Variants in MEP1B observed in about 807,000 individuals in gnomAD.
MEP1B encodes the protein N-benzoyl-L-tyrosyl-P-amino-benzoic acid hydrolase subunit beta.
A neutral mutation model predicts 84.6 loss-of-function variants in MEP1B; 80 were observed. That is an observed-to-expected ratio of 0.95 (90% CI 0.79 to 1.14). MEP1B has a LOEUF of 1.14. Among genes scored for constraint, MEP1B ranks in the 50% most tolerant of loss-of-function variants. The pLI, the probability that MEP1B is intolerant of heterozygous loss-of-function variation, is 0.00. For missense variants in MEP1B, 766 were observed against 855.1 expected (o/e 0.90, Z 1.30); for synonymous variants, 273 against 288.1 (o/e 0.95, Z 0.53).
rs1451260360 is a variant in MEP1B, at chr18:32,196,542, T to C, written c.250+1057T>C. 9 of 700,572 alleles carry C rather than the reference T, an allele frequency of 1.3e-5. No individual in the cohort carries two copies. The highest frequency in any genetic ancestry group is 1.0e-4 in the African/African-American group (6 of 57,392). 43.4% of individuals were successfully genotyped at this position (700,572 alleles called of 1,614,324 possible). On this transcript the variant is annotated intron_variant, in intron 5 of 14. Coordinates refer to ENST00000269202, the MANE Select transcript of MEP1B (RefSeq NM_005925.3). The surrounding 1 kb of genome is among the most constrained non-coding windows in gnomAD (Gnocchi z 4.4). The stretch of plus-strand genomic sequence containing the variant: ...GTGGCCAAGGGCCACCTTGAGAGCT[T>C]TGGGCCCTTGGTACTTGGTGCTGAC...
chr18:32,207,273 C>T lies in MEP1B; in HGVS notation c.569C>T (p.Thr190Ile). ...TTAGGCAGAGAGCACAATTTTAACA[C>T]CTATAGTGACGATATATCAGATTCC... is the stretch of plus-strand genomic sequence containing the variant. ...ILSGREHNFN[T>I]YSDDISDSLN... is the part of the protein sequence containing the mutation. The change falls in exon 8 of 15, where the codon ACC (threonine) becomes ATC (isoleucine). Residue 190 changes from threonine (T) to isoleucine (I), a missense_variant. Transcript: ENST00000269202. 6.2e-7 allele frequency: 1 copy of T among 1,611,530 alleles called. No homozygotes were observed. Among genetic ancestry groups the T allele is most frequent in the Non-Finnish European group, 8.5e-7 (1 of 1,178,078 alleles).
chr18:32,219,370 G>A (rs1020413375), intron 14 of MEP1B, among the ~76,000 whole-genome samples: 1 of 152,142 alleles, frequency 6.6e-6, no homozygotes, highest in African/African-American at 2.4e-5. Flanking sequence ...TATTAGAAAA[G>A]TATTTAAAAT....
rs1279589510 is a variant in MEP1B, at chr18:32,220,263, T to G, written c.*18T>G. The G allele has an allele frequency of 1.9e-6, 3 of 1,607,278 alleles. No homozygotes were observed. ...CTTTTTGAAGATTAACTCGACAATA[T>G]GGCCAGCTAATGAAATTAAAAAGGA... On this transcript the variant is annotated 3_prime_UTR_variant, in exon 15 of 15. Transcript: ENST00000269202.
intron 12 of MEP1B, among the ~76,000 whole-genome samples, 155 bp from the exon 13 acceptor site, chr18:32,216,836 C>A (rs2041094579): frequency 6.7e-6 from 1 of 150,260 alleles, no homozygotes; most frequent in South Asian, 2.1e-4. Flanking sequence ...GGAGCAAAGA[C>A]CAGCCTGGGC....
In MEP1B at chr18:32,207,232, AT is replaced by A. The variant is rs1266978178; in HGVS notation, c.548-14del. On this transcript the variant is annotated intron_variant, in intron 7 of 14. Transcript: ENST00000269202. ...TGAATTTTGTGAACATCAAGTAAAG[AT>A]TTTTTATTTATCCTTTAGGCAGAGA... 1 of 1,527,840 alleles carries A rather than the reference AT, an allele frequency of 6.5e-7. No individual in the cohort carries two copies. The highest frequency in any genetic ancestry group is 9.0e-7 in the Non-Finnish European group (1 of 1,108,670). The allele number at this position is 1,527,840 out of a possible 1,614,324, so 94.6% of individuals were successfully genotyped here. A position where few individuals can be genotyped will look rare whatever the true frequency, so the allele number is the denominator to read the frequency against.
chr18:32,215,341 A>G, intron 12 of MEP1B, 80 bp downstream of exon 12: 1 of 935,898 alleles, frequency 1.1e-6, no homozygotes, highest in Non-Finnish European at 1.6e-6. Context: ...TTCTTTCTGC[A>G]TTCCACTTTT....
At chr18:32,220,006 G>A (rs548063109) in intron 14 of MEP1B, among the ~76,000 whole-genome samples, 3 of 152,174 alleles carry the variant, frequency 2.0e-5, no homozygotes, top group East Asian at 1.9e-4. Flanking sequence ...TTTCTGAGGC[G>A]AATGTATGTG....
intron 5 of MEP1B, among the ~76,000 whole-genome samples, chr18:32,202,483 T>C (rs1425627358): frequency 6.6e-6 from 1 of 152,210 alleles, no homozygotes; most frequent in Non-Finnish European, 1.5e-5. Context: ...AGGGTATTCA[T>C]AGACTCTCCC....
At chr18:32,215,004 C>T in intron 11 of MEP1B, 78 bp from the exon 12 acceptor site, 2 of 1,023,972 alleles carry the variant, frequency 2.0e-6, no homozygotes, top group Non-Finnish European at 3.0e-6. Flanking sequence ...AATTGTGTTT[C>T]ACATTGCCTG....
intron 6 of MEP1B, 46 bp from the exon 7 acceptor site, chr18:32,204,136 A>G: frequency 6.5e-7 from 1 of 1,546,742 alleles, no homozygotes; most frequent in Non-Finnish European, 8.8e-7. Flanking sequence ...CTGAGACCTC[A>G]GATTGTAACA....
intron 5 of MEP1B, among the ~76,000 whole-genome samples, chr18:32,199,782 C>T (rs997274932): frequency 2.0e-5 from 3 of 151,618 alleles, no homozygotes; most frequent in Non-Finnish European, 4.4e-5. Context: ...TCAAATGATC[C>T]TCCCACCTCA....
At chr18:32,218,057 CCTT>C (rs1338331879) in intron 14 of MEP1B, 92 bp downstream of exon 14, 4 of 1,132,704 alleles carry the variant, frequency 3.5e-6, no homozygotes, top group Non-Finnish European at 5.2e-6. Context: ...TTGGTTCTTG[CCTT>C]CTTCTCTCTG....
chr18:32,202,797 A>G (rs2040925073), intron 5 of MEP1B, 96 bp from the exon 6 acceptor site: 1 of 707,914 alleles, frequency 1.4e-6, no homozygotes, highest in Admixed American at 2.5e-5. Context: ...GGACTAACTC[A>G]TGATAAGCAA....
chr18:32,217,314 A>AT (rs1373294284), intron 13 of MEP1B, among the ~76,000 whole-genome samples, 197 bp downstream of exon 13: 4 of 152,004 alleles, frequency 2.6e-5, no homozygotes, highest in South Asian at 2.1e-4. Context: ...AGCCAACACA[A>AT]TTTTTTTATG....
rs781320042 is a variant in MEP1B, at chr18:32,207,370, G to A, written c.666G>A (p.Pro222=). ...CTGCATTCCAAAATGGAACAGAGCCGACAATTGTCACAAGAATCTCAGACT... is the reference window on the plus strand; with the variant it reads ...CTGCATTCCAAAATGGAACAGAGCCAACAATTGTCACAAGAATCTCAGACT... ...SKTAFQNGTE[P]TIVTRISDFE... is the part of the protein sequence containing the mutation. The change falls in exon 8 of 15, where the codon CCG becomes CCA. Residue 222 remains proline (P), a synonymous_variant. Transcript: ENST00000269202. The A allele has an allele frequency of 3.7e-6, 6 of 1,613,004 alleles. No individual in the cohort carries two copies. Among genetic ancestry groups the A allele is most frequent in the African/African-American group, 1.3e-5 (1 of 74,920 alleles).
chr18:32,208,732 C>G (rs140332542), intron 9 of MEP1B, among the ~76,000 whole-genome samples: 1 of 152,294 alleles, frequency 6.6e-6, no homozygotes, highest in African/African-American at 2.4e-5. Flanking sequence ...TCTTCAGATG[C>G]GTATCCTTTT....
rs537955301 is a variant in MEP1B at position 32,190,118 on chromosome 18, C to A, written c.48C>A (p.Leu16=). The change falls in exon 1 of 15, where the codon CTC becomes CTA. Residue 16 remains leucine, a synonymous_variant. Transcript: ENST00000269202. ...GGTTTCTGTTCTTGGATGCTCTTCT[C>A]GTGATTTCTGGCTTGGTAAGGAAAC... ...LSWFLFLDAL[L]VISGLATPEN... 6.2e-7 allele frequency: 1 copy of A among 1,613,104 alleles called. No individual in the cohort carries two copies. The highest frequency in any genetic ancestry group is 1.7e-4 in the Middle Eastern group (1 of 6,058).
chr18:32,196,449 C>T lies in MEP1B; in HGVS notation c.250+964C>T. On this transcript the variant is annotated intron_variant, in intron 5 of 14. Transcript: ENST00000269202. The surrounding 1 kb of genome is among the most constrained non-coding windows in gnomAD (Gnocchi z 4.4). The stretch of plus-strand genomic sequence containing the variant: ...TCTTACAGAGGGTGTGCAGCCAGCC[C>T]TTCCTTCTGGTGCTGCAGGGCCGAC... 1 of 694,344 alleles carries T rather than the reference C, an allele frequency of 1.4e-6. No individual in the cohort carries two copies. Among genetic ancestry groups the T allele is most frequent in the Non-Finnish European group, 2.7e-6 (1 of 376,234 alleles). 43.0% of individuals were successfully genotyped at this position (694,344 alleles called of 1,614,324 possible).
At chr18:32,209,951 A>T (rs2041007697) in intron 9 of MEP1B, among the ~76,000 whole-genome samples, 1 of 151,902 alleles carries the variant, frequency 6.6e-6, no homozygotes. Flanking sequence ...AGATGCTACA[A>T]CTCTCTACCC....
Sources: gnomAD v4.1 joint callset for allele counts (sites outside exome capture counted in the v4.1 genomes callset) on GRCh38, gnomAD v4.1.1 for gene constraint, Gnocchi (gnomAD v3.1) non-coding constraint, MANE v1.5 for transcripts, NCBI Gene and HGNC (gene_info 2026-07-23, HGNC 2026-07-21) for gene names.